The following VAV3 variants were observed in gnomAD, a reference collection of about 807,000 sequenced individuals.
VAV3 encodes guanine nucleotide exchange factor VAV3.
In VAV3, 94 loss-of-function variants were observed where a neutral mutation model predicts 131.2. The ratio of observed to expected loss-of-function variants is 0.72; its 90% CI spans 0.61 to 0.85. VAV3 has a LOEUF of 0.85. Among genes scored for constraint, VAV3 ranks in the 40% least tolerant of loss-of-function variants. The pLI is 0.00. For synonymous variants in VAV3, 349 were observed against 342.0 expected, an observed-to-expected ratio of 1.02 and a Z score of -0.22; for missense variants, 939 against 1,002.7, an observed-to-expected ratio of 0.94 and a Z score of 0.86.
intron 19 of VAV3, among the ~76,000 whole-genome samples, chr1:107,680,666 C>A (rs1658537662): frequency 6.6e-6 from 1 of 152,110 alleles, no homozygotes; most frequent in East Asian, 1.9e-4. Context: ...TCCCACTTGG[C>A]CTCCCAAAGT....
intron 25 of VAV3, among the ~76,000 whole-genome samples, chr1:107,582,542 C>T (rs1650137016): frequency 6.7e-6 from 1 of 149,510 alleles, no homozygotes; most frequent in Admixed American, 6.6e-5. Context: ...AGGTATATCT[C>T]CCAATGCTAT....
At chr1:107,704,816 A>G in intron 16 of VAV3, 144 bp downstream of exon 16, 1 of 1,017,864 alleles carries the variant, frequency 9.8e-7, no homozygotes, top group Non-Finnish European at 1.5e-6. Context: ...CCAGGCAGAA[A>G]GCCTGGCAAA....
intron 1 of VAV3, among the ~76,000 whole-genome samples, chr1:107,907,176 A>C (rs1295656179): frequency 1.3e-5 from 2 of 152,230 alleles, no homozygotes; most frequent in Non-Finnish European, 2.9e-5. Flanking sequence ...GGACTCGGAA[A>C]TTACATTTCT....
At chr1:107,607,671 G>C (rs1384958910) in intron 22 of VAV3, among the ~76,000 whole-genome samples, 3 of 152,178 alleles carry the variant, frequency 2.0e-5, no homozygotes, top group African/African-American at 7.2e-5. Context: ...TCTGCATACA[G>C]ATTTTAGGAT....
At chr1:107,794,553 A>G (rs908023282) in intron 2 of VAV3, among the ~76,000 whole-genome samples, 1 of 152,106 alleles carries the variant, frequency 6.6e-6, no homozygotes, top group Non-Finnish European at 1.5e-5. Context: ...TTTCATTCTA[A>G]GTCTTTGCTG....
chr1:107,959,375 C>T (rs60085246), intron 1 of VAV3, among the ~76,000 whole-genome samples: 16 of 152,050 alleles, frequency 1.1e-4, no homozygotes, highest in Non-Finnish European at 1.9e-4. Context: ...CCCTAAAGAG[C>T]TGTCTATACT....
intron 19 of VAV3, among the ~76,000 whole-genome samples, chr1:107,651,438 T>C (rs747813168): frequency 1.3e-5 from 2 of 151,928 alleles, no homozygotes; most frequent in Non-Finnish European, 2.9e-5. Context: ...ACAGAGTTTA[T>C]ATCTACTAGA....
chr1:107,832,664 C>T (rs112920841), intron 2 of VAV3, among the ~76,000 whole-genome samples: 1 of 152,054 alleles, frequency 6.6e-6, no homozygotes, highest in Admixed American at 6.6e-5. Flanking sequence ...TCTTTAACAC[C>T]TCGGTAGAAA....
chr1:107,917,509 C>T (rs989261547), intron 1 of VAV3, among the ~76,000 whole-genome samples: 2 of 152,028 alleles, frequency 1.3e-5, no homozygotes, highest in Admixed American at 6.6e-5. Context: ...TAAAGGGGCA[C>T]CACAACTTTT....
chr1:107,753,549 T>TATGTATATATATATATAC (rs771773884), intron 12 of VAV3, among the ~76,000 whole-genome samples: 1 of 82,052 alleles, frequency 1.2e-5, no homozygotes, highest in African/African-American at 4.6e-5. Context: ...TATATATATA[T>TATGTATATATATATATAC]ACACACACAC....
intron 1 of VAV3, among the ~76,000 whole-genome samples, chr1:107,942,743 G>A (rs564110776): frequency 6.6e-6 from 1 of 151,978 alleles, no homozygotes; most frequent in Non-Finnish European, 1.5e-5. Context: ...ACCAACCCCC[G>A]GCCTTTGTAA....
intron 15 of VAV3, among the ~76,000 whole-genome samples, chr1:107,710,512 T>C (rs927484501): frequency 6.6e-6 from 1 of 152,196 alleles, no homozygotes; most frequent in African/African-American, 2.4e-5. Flanking sequence ...ACAGATTACT[T>C]ATTTGAGAAT....
intron 19 of VAV3, 133 bp downstream of exon 19, chr1:107,683,355 T>C (rs1280374147): frequency 3.2e-6 from 3 of 948,002 alleles, no homozygotes; most frequent in African/African-American, 3.2e-5. Context: ...CATGACCTCC[T>C]GGTCACACAT....
At chr1:107,853,095 C>T (rs1205714633) in intron 2 of VAV3, among the ~76,000 whole-genome samples, 1 of 152,056 alleles carries the variant, frequency 6.6e-6, no homozygotes, top group Non-Finnish European at 1.5e-5. Flanking sequence ...CAAGTATGTG[C>T]ACATGGATGT....
intron 26 of VAV3, 46 bp downstream of exon 26, chr1:107,574,001 G>A: frequency 6.2e-7 from 1 of 1,603,266 alleles, no homozygotes. Flanking sequence ...CAACTGCTCA[G>A]TCCCCTTCTT....
At chr1:107,705,211 A>G (rs1044643568) in intron 15 of VAV3, 150 bp from the exon 16 acceptor site, 32 of 655,074 alleles carry the variant, frequency 4.9e-5, no homozygotes, top group Non-Finnish European at 8.2e-5. Context: ...TTCTAAGCCA[A>G]AAGTATGCTA....
intron 1 of VAV3, among the ~76,000 whole-genome samples, chr1:107,938,431 A>G (rs1673829457): frequency 1.3e-5 from 2 of 152,280 alleles, no homozygotes; most frequent in Admixed American, 1.3e-4. Flanking sequence ...TTGGGGGGCT[A>G]GGGAATAGGG....
At chr1:107,739,418 T>C (rs1279030814) in intron 15 of VAV3, among the ~76,000 whole-genome samples, 1 of 152,190 alleles carries the variant, frequency 6.6e-6, no homozygotes, top group South Asian at 2.1e-4. Context: ...CTGACTTAAC[T>C]GCCAATTTTG....
intron 1 of VAV3, among the ~76,000 whole-genome samples, chr1:107,881,299 T>A (rs2101035844): frequency 6.6e-6 from 1 of 152,220 alleles, no homozygotes; most frequent in South Asian, 2.1e-4. Flanking sequence ...ATTTGGTAAT[T>A]GATTGACTGT....
Sources: allele counts gnomAD v4.1 joint callset (sites outside exome capture counted in the v4.1 genomes callset), GRCh38; gene constraint gnomAD v4.1.1; transcripts MANE v1.5; gene names NCBI Gene and HGNC (gene_info 2026-07-23, HGNC 2026-07-21).